The following DNAJC13 variants were observed in gnomAD, a reference collection of about 807,000 sequenced individuals.
DNAJC13 encodes the protein DnaJ heat shock protein family (Hsp40) member C13.
In DNAJC13, 75 loss-of-function variants were observed where a neutral mutation model predicts 290.5. That is an observed-to-expected ratio of 0.26 (90% CI 0.21 to 0.31). DNAJC13 has a LOEUF of 0.31. DNAJC13 is among the 10% of genes least tolerant of loss of function. The probability of loss-of-function intolerance (pLI) is 1.00; values close to 1 mark genes in which losing one functional copy is unlikely to be tolerated. For synonymous variants in DNAJC13, 862 were observed against 892.0 expected, an observed-to-expected ratio of 0.97 and a Z score of 0.60; for missense variants, 2,260 against 2,674.5, an observed-to-expected ratio of 0.85 and a Z score of 3.42.
intron 1 of DNAJC13, among the ~76,000 whole-genome samples, chr3:132,424,702 G>T (rs1191998386): frequency 6.6e-6 from 1 of 152,058 alleles, no homozygotes; most frequent in Non-Finnish European, 1.5e-5. Context: ...TGATATTACC[G>T]CTGGCTTTTT....
Position 132,538,347 on chromosome 3 carries a change from C to A in DNAJC13, c.*65C>A. 1 of 1,274,710 alleles carries A rather than the reference C, an allele frequency of 7.8e-7. No homozygotes were observed. The allele number at this position is 1,274,710 out of a possible 1,614,324, so 79.0% of individuals were successfully genotyped here. ...CAAGTCCACATTCCTCCAGCTGATA[C>A]GTTGAAGCAAACTCTTACTGCCTTT... On this transcript the variant is annotated 3_prime_UTR_variant, in exon 56 of 56. Transcript: ENST00000260818.
At chr3:132,470,696 C>T (rs1326746728) in intron 20 of DNAJC13, among the ~76,000 whole-genome samples, 307 of 93,896 alleles carry the variant, frequency 3.3e-3, no homozygotes, top group Middle Eastern at 9.6e-3. Context: ...CCGGACGGGG[C>T]GGCTGGCCGG....
intron 51 of DNAJC13, among the ~76,000 whole-genome samples, chr3:132,525,301 T>C (rs1343241412): frequency 6.6e-6 from 1 of 152,046 alleles, no homozygotes; most frequent in Non-Finnish European, 1.5e-5. Context: ...GATCGCGCCA[T>C]TGCACTCCAG....
chr3:132,523,497 A>G lies in DNAJC13; in HGVS notation c.5887-43A>G, dbSNP rs752515456. On this transcript the variant is annotated intron_variant, in intron 50 of 55. Transcript: ENST00000260818. ...AATATGGTGTGCATTTCTAGCTTCAAGATTATTAAGTGACTTGACTGTGGT... is the reference window on the plus strand; with the variant it reads ...AATATGGTGTGCATTTCTAGCTTCAGGATTATTAAGTGACTTGACTGTGGT... 1.1e-5 allele frequency: 17 copies of G among 1,587,494 alleles called. No individual in the cohort carries two copies. The East Asian group carries it at 1.1e-4, about 10-fold the overall frequency.
chr3:132,529,338 G>A (rs1936346643), intron 54 of DNAJC13, among the ~76,000 whole-genome samples: 1 of 152,038 alleles, frequency 6.6e-6, no homozygotes, highest in Non-Finnish European at 1.5e-5. Flanking sequence ...ATCTATTGAT[G>A]GACATTTGGG....
chr3:132,418,651 C>T (rs937282736), intron 1 of DNAJC13, among the ~76,000 whole-genome samples: 1 of 152,146 alleles, frequency 6.6e-6, no homozygotes, highest in Non-Finnish European at 1.5e-5. Flanking sequence ...GGTTCTGTAC[C>T]TGATGCTGTT....
rs1934522843 is a variant in DNAJC13 at position 132,477,824 on chromosome 3, A to G, written c.2481A>G (p.Ile827Met). ...AGTGCCTGGCAGAGGAAATTAAAAT[A>G]GGAGACTATTACCTGAGATTACTAT... ...KYECLAEEIK[I>M]GDYYLRLLLE... The change falls in exon 23 of 56, where the codon ATA (isoleucine) becomes ATG (methionine). Residue 827 changes from isoleucine to methionine, a missense_variant. By Grantham distance (10) the Ile-to-Met change is conservative. Transcript: ENST00000260818. 3 of 1,612,988 alleles carry G rather than the reference A, an allele frequency of 1.9e-6. No homozygotes were observed. The East Asian group carries it at 6.7e-5, about 36-fold the overall frequency.
intron 55 of DNAJC13, chr3:132,537,332 C>G: frequency 2.3e-6 from 1 of 428,086 alleles, no homozygotes; most frequent in Non-Finnish European, 4.7e-6. Context: ...CCTCAATGTT[C>G]CTTAGTTGTT....
intron 48 of DNAJC13, among the ~76,000 whole-genome samples, chr3:132,520,080 G>A (rs1283073136): frequency 1.3e-5 from 2 of 152,076 alleles, no homozygotes; most frequent in South Asian, 2.1e-4. Context: ...CTCCCACCGC[G>A]TCCCTCCCAC....
chr3:132,485,707 G>A (rs1424635208), intron 29 of DNAJC13, among the ~76,000 whole-genome samples: 1 of 152,180 alleles, frequency 6.6e-6, no homozygotes, highest in Non-Finnish European at 1.5e-5. Context: ...ACTAACTTCT[G>A]CCGTAGATTT....
At chr3:132,458,347 C>G (rs1933682555) in intron 13 of DNAJC13, 1 of 152,134 alleles carries the variant, frequency 6.6e-6, no homozygotes, top group African/African-American at 2.4e-5. Flanking sequence ...ACCTTGCATT[C>G]CCAAAAGCAA....
chr3:132,511,279 A>G (rs1419979278), intron 44 of DNAJC13, 35 bp downstream of exon 44: 2 of 1,602,064 alleles, frequency 1.2e-6, no homozygotes, highest in African/African-American at 1.3e-5. Flanking sequence ...TAAGACTCGT[A>G]TAATACAGGA....
chr3:132,449,256 G>A (rs957667867), intron 5 of DNAJC13, among the ~76,000 whole-genome samples: 1 of 151,394 alleles, frequency 6.6e-6, no homozygotes, highest in Admixed American at 6.6e-5. Flanking sequence ...TCTAAATCAG[G>A]GTTTCTCAAA....
chr3:132,464,230 A>G (rs948911948), intron 17 of DNAJC13, among the ~76,000 whole-genome samples: 1 of 152,212 alleles, frequency 6.6e-6, no homozygotes, highest in African/African-American at 2.4e-5. Context: ...TCTACTTTAA[A>G]AACCACAGAA....
Position 132,473,351 on chromosome 3 carries a change from C to T in DNAJC13, c.2291+124C>T, listed in dbSNP as rs138587408. On this transcript the variant is annotated intron_variant, in intron 21 of 55. Coordinates refer to ENST00000260818, the MANE Select transcript of DNAJC13 (RefSeq NM_015268.4). ...ACATGTATTTTTATGCCATCAAGTT[C>T]AGGAACTATAACTGTTAAGATTGGG... 3,674 of 656,108 alleles carry T rather than the reference C, an allele frequency of 5.6e-3. 23 individuals carry two copies. Among genetic ancestry groups the T allele is most frequent in the Non-Finnish European group, 7.2e-3 (2,781 of 384,892 alleles). 40.6% of individuals were successfully genotyped at this position (656,108 alleles called of 1,614,324 possible).
In DNAJC13 at chr3:132,502,237, T is replaced by G. The variant is rs1227217136; in HGVS notation, c.4537-52T>G. 3 of 1,420,744 alleles carry G rather than the reference T, an allele frequency of 2.1e-6. No individual in the cohort carries two copies. The Admixed American group carries it at 7.4e-5, about 35-fold the overall frequency. The allele number at this position is 1,420,744 out of a possible 1,614,324, so 88.0% of individuals were successfully genotyped here. A position where few individuals can be genotyped will look rare whatever the true frequency, so the allele number is the denominator to read the frequency against. On this transcript the variant is annotated intron_variant, in intron 39 of 55. Coordinates refer to ENST00000260818, the MANE Select transcript of DNAJC13 (RefSeq NM_015268.4). ...CAACCAGTTCCTCTTGGGAGCTTTT[T>G]TTTTTTTTTTTAACTCTGTAACAAC...
In DNAJC13 at chr3:132,435,525, C is replaced by T. The variant is rs111713424; in HGVS notation, c.68+907C>T. ...ATTTCTGGTTTGCATTAGCAAACTGCCTATAATTTTGGAAGATTTGAATAT... is the reference window on the plus strand; with the variant it reads ...ATTTCTGGTTTGCATTAGCAAACTGTCTATAATTTTGGAAGATTTGAATAT... On this transcript the variant is annotated intron_variant, in intron 2 of 55. Coordinates refer to ENST00000260818, the MANE Select transcript of DNAJC13 (RefSeq NM_015268.4). Among the ~76,000 whole-genome samples the T allele has an allele frequency of 6.0e-3, 921 of 152,270 alleles. 4 individuals are homozygous for T. The highest frequency in any genetic ancestry group is 0.01 in the Non-Finnish European group (708 of 68,016).
intron 15 of DNAJC13, among the ~76,000 whole-genome samples, 167 bp downstream of exon 15, chr3:132,461,372 TACACTA>T (rs910153290): frequency 2.6e-5 from 4 of 151,526 alleles, no homozygotes; most frequent in African/African-American, 9.7e-5. Flanking sequence ...ACACATAAAA[TACACTA>T]ACACTAACAA....
chr3:132,468,284 T>C (rs1272710157), intron 20 of DNAJC13, among the ~76,000 whole-genome samples: 1 of 152,210 alleles, frequency 6.6e-6, no homozygotes, highest in Non-Finnish European at 1.5e-5. Flanking sequence ...TTCTCCTTAA[T>C]CTTCTCCTTA....
Sources: allele counts gnomAD v4.1 joint callset (sites outside exome capture counted in the v4.1 genomes callset), GRCh38; gene constraint gnomAD v4.1.1; transcripts MANE v1.5; gene names NCBI Gene and HGNC (gene_info 2026-07-23, HGNC 2026-07-21).